The following CSMD3 variants were observed in gnomAD, a reference collection of about 807,000 sequenced individuals.
CSMD3 encodes the protein CUB and sushi domain-containing protein 3.
CSMD3 carries 177 observed loss-of-function variants against 435.2 expected under a neutral mutation model. The ratio of observed to expected loss-of-function variants is 0.41; its 90% CI spans 0.36 to 0.46. The LOEUF is 0.46. Among genes scored for constraint, CSMD3 ranks in the 20% least tolerant of loss-of-function variants. The probability of loss-of-function intolerance (pLI) is 0.34; values close to 1 mark genes in which losing one functional copy is unlikely to be tolerated. For missense variants in CSMD3, 4,265 were observed against 4,504.6 expected, an observed-to-expected ratio of 0.95 and a Z score of 1.52; for synonymous variants, 1,656 against 1,520.5, an observed-to-expected ratio of 1.09 and a Z score of -2.07.
intron 30 of CSMD3, among the ~76,000 whole-genome samples, chr8:112,494,494 C>CCTTTCTCTTT (rs1554591430): frequency 2.5e-5 from 1 of 40,174 alleles, no homozygotes; most frequent in African/African-American, 8.8e-5. Flanking sequence ...TTCTTTCTCT[C>CCTTTCTCTTT]CTTTCTTTCT....
At chr8:113,172,811 T>C (rs759501085) in intron 4 of CSMD3, among the ~76,000 whole-genome samples, 2 of 152,148 alleles carry the variant, frequency 1.3e-5, no homozygotes, top group Non-Finnish European at 2.9e-5. Context: ...TACAGAAGCA[T>C]ATGCTTACTA....
chr8:113,139,591 C>T (rs935443651), intron 4 of CSMD3, among the ~76,000 whole-genome samples: 5 of 150,872 alleles, frequency 3.3e-5, no homozygotes, highest in African/African-American at 9.7e-5. Flanking sequence ...AAGAAATACA[C>T]TAAAAATGCA....
chr8:113,050,126 T>G (rs972250642), intron 5 of CSMD3, among the ~76,000 whole-genome samples: 1 of 152,088 alleles, frequency 6.6e-6, no homozygotes, highest in Non-Finnish European at 1.5e-5. Flanking sequence ...TTTAAACATA[T>G]GATTTCTAAA....
chr8:113,026,225 C>CA (rs981196939), intron 5 of CSMD3, among the ~76,000 whole-genome samples: 7 of 152,152 alleles, frequency 4.6e-5, no homozygotes, highest in African/African-American at 1.7e-4. Context: ...CTTTTTCTCA[C>CA]AAAAAGAAGT....
chr8:112,429,777 C>T (rs540354271), intron 32 of CSMD3, among the ~76,000 whole-genome samples: 1 of 151,812 alleles, frequency 6.6e-6, no homozygotes, highest in African/African-American at 2.4e-5. Flanking sequence ...TTAAAAGCAA[C>T]AAACTCATTT....
intron 38 of CSMD3, among the ~76,000 whole-genome samples, chr8:112,357,895 T>A (rs1376930064): frequency 6.6e-6 from 1 of 152,176 alleles, no homozygotes; most frequent in Non-Finnish European, 1.5e-5. Context: ...GAGTCCCTAC[T>A]GGGGCACTGC....
At chr8:113,343,064 T>C (rs1297725599) in intron 1 of CSMD3, among the ~76,000 whole-genome samples, 1 of 150,226 alleles carries the variant, frequency 6.7e-6, no homozygotes, top group Non-Finnish European at 1.5e-5. Flanking sequence ...AGAGAAGAAG[T>C]CAATAAAGGA....
chr8:112,875,404 G>T (rs1587544111), intron 10 of CSMD3, among the ~76,000 whole-genome samples: 1 of 152,102 alleles, frequency 6.6e-6, no homozygotes, highest in African/African-American at 2.4e-5. Context: ...TCTTGGGGTT[G>T]CTCTTCTCGA....
chr8:113,252,401 C>CA (rs1221527886), intron 3 of CSMD3, among the ~76,000 whole-genome samples: 1 of 151,712 alleles, frequency 6.6e-6, no homozygotes, highest in Non-Finnish European at 1.5e-5. Context: ...TTCACTGGGG[C>CA]AAAAAATGCT....
intron 5 of CSMD3, among the ~76,000 whole-genome samples, chr8:113,064,638 G>A (rs192552966): frequency 6.6e-6 from 1 of 152,118 alleles, no homozygotes. Context: ...GCCACCCAGT[G>A]GTGAGCTATA....
At chr8:113,130,544 C>T (rs1017538485) in intron 4 of CSMD3, among the ~76,000 whole-genome samples, 1 of 152,108 alleles carries the variant, frequency 6.6e-6, no homozygotes, top group African/African-American at 2.4e-5. Flanking sequence ...TCCTATTAAG[C>T]CTGTGGTACT....
intron 47 of CSMD3, among the ~76,000 whole-genome samples, chr8:112,316,208 C>T (rs1822444493): frequency 6.6e-6 from 1 of 151,646 alleles, no homozygotes; most frequent in African/African-American, 2.4e-5. Flanking sequence ...AAGCTAAGAG[C>T]TGTTTTCTAC....
chr8:113,098,405 C>G (rs1421620555), intron 5 of CSMD3: 3 of 225,772 alleles, frequency 1.3e-5, no homozygotes, highest in Non-Finnish European at 2.6e-5. Flanking sequence ...TTTTTGCTTT[C>G]AGATAACAAG....
intron 5 of CSMD3, among the ~76,000 whole-genome samples, chr8:113,062,995 C>G (rs188146821): frequency 2.0e-3 from 303 of 151,298 alleles, no homozygotes; most frequent in African/African-American, 7.2e-3. Context: ...TTGTTAAAGG[C>G]TAACTTATAA....
intron 32 of CSMD3, among the ~76,000 whole-genome samples, chr8:112,423,012 A>T (rs1388971786): frequency 6.6e-6 from 1 of 152,190 alleles, no homozygotes; most frequent in African/African-American, 2.4e-5. Flanking sequence ...CACAGAATGG[A>T]ACATAAAGGA....
intron 1 of CSMD3, among the ~76,000 whole-genome samples, chr8:113,426,990 T>C (rs899626005): frequency 1.3e-5 from 2 of 151,464 alleles, no homozygotes; most frequent in Non-Finnish European, 3.0e-5. Context: ...ATGCAATAAG[T>C]ATATCCTATG....
chr8:113,353,079 G>A (rs1761111600), intron 1 of CSMD3, among the ~76,000 whole-genome samples: 2 of 152,170 alleles, frequency 1.3e-5, no homozygotes, highest in South Asian at 4.1e-4. Flanking sequence ...AGTAGTGCCA[G>A]TGATGATGGA....
chr8:113,335,419 A>G (rs1235498150), intron 1 of CSMD3, among the ~76,000 whole-genome samples: 3 of 151,236 alleles, frequency 2.0e-5, no homozygotes, highest in African/African-American at 7.3e-5. Context: ...AAAGAAGCAA[A>G]TTTTGTTTCA....
At chr8:113,234,830 A>G (rs2093129330) in intron 3 of CSMD3, among the ~76,000 whole-genome samples, 1 of 152,104 alleles carries the variant, frequency 6.6e-6, no homozygotes. Flanking sequence ...AGTTCAGCTA[A>G]CACGTGTGAC....
Sources: gnomAD v4.1 joint callset for allele counts (sites outside exome capture counted in the v4.1 genomes callset) on GRCh38, gnomAD v4.1.1 for gene constraint, MANE v1.5 for transcripts, NCBI Gene and HGNC (gene_info 2026-07-23, HGNC 2026-07-21) for gene names.